NEK6: variants seen among roughly 807,000 people sequenced by gnomAD.
The protein encoded by NEK6 is NIMA related kinase 6.
NEK6 carries 27 observed loss-of-function variants against 43.5 expected under a neutral mutation model. The observed-to-expected ratio is 0.62, with a 90% CI of 0.46 to 0.86. NEK6 has a LOEUF of 0.86. Ranked by LOEUF, NEK6 falls within the 40% of genes least tolerant of loss-of-function variation. The probability of loss-of-function intolerance (pLI) is 0.00; values close to 1 mark genes in which losing one functional copy is unlikely to be tolerated. For synonymous variants in NEK6, 167 were observed against 164.1 expected (o/e 1.02, Z -0.14); for missense variants, 318 against 414.4 (o/e 0.77, Z 2.02).
chr9:124,290,344 C>G (rs1482072626), intron 1 of NEK6, among the ~76,000 whole-genome samples: 2 of 152,256 alleles, frequency 1.3e-5, no homozygotes, highest in African/African-American at 4.8e-5. Context: ...GAGTCCGGCC[C>G]CCAGGGCCTG....
At chr9:124,321,316 G>C in intron 4 of NEK6, 143 bp from the exon 5 acceptor site, 1 of 607,636 alleles carries the variant, frequency 1.6e-6, no homozygotes, top group Admixed American at 2.7e-5. Flanking sequence ...CCCAGCACAG[G>C]CCTTTCTTTC....
intron 4 of NEK6, among the ~76,000 whole-genome samples, chr9:124,321,068 G>A (rs1166539519): frequency 6.6e-6 from 1 of 152,244 alleles, no homozygotes; most frequent in Non-Finnish European, 1.5e-5. Flanking sequence ...CAGAGAGGTG[G>A]GGCCCAATGC....
chr9:124,347,433 T>C lies in NEK6; in HGVS notation c.718-276T>C, dbSNP rs188307383. Among the ~76,000 whole-genome samples the C allele has an allele frequency of 3.5e-3, 540 of 152,354 alleles. 3 individuals are homozygous for C. The highest frequency in any genetic ancestry group is 0.012 in the African/African-American group (486 of 41,582). ...AGGTGGGAGCAAGGTGGGAATTAGC[T>C]TGCAGCGTCCAGCTGCCCTTCTTTA... On this transcript the variant is annotated intron_variant, in intron 8 of 9. Coordinates refer to ENST00000320246, the MANE Select transcript of NEK6 (RefSeq NM_014397.6).
intron 8 of NEK6, among the ~76,000 whole-genome samples, chr9:124,342,805 A>G (rs1313745180): frequency 2.0e-5 from 3 of 152,196 alleles, no homozygotes; most frequent in Non-Finnish European, 4.4e-5. Flanking sequence ...CCCATGAACC[A>G]TGGGCTCTCC....
intron 1 of NEK6, among the ~76,000 whole-genome samples, chr9:124,298,694 G>A (rs1832815565): frequency 6.6e-6 from 1 of 152,200 alleles, no homozygotes; most frequent in Admixed American, 6.5e-5. Context: ...CAAATATGCA[G>A]TTGTTGGTTC....
chr9:124,326,220 G>T lies in NEK6; in HGVS notation c.406-110G>T. 1 of 152,328 alleles carries T rather than the reference G, an allele frequency of 6.6e-6. No homozygotes were observed. Among genetic ancestry groups the T allele is most frequent in the Non-Finnish European group, 1.5e-5 (1 of 67,168 alleles). 9.4% of individuals were successfully genotyped at this position (152,328 alleles called of 1,614,324 possible). A position where few individuals can be genotyped will look rare whatever the true frequency, so the allele number is the denominator to read the frequency against. On this transcript the variant is annotated intron_variant, in intron 5 of 9. Transcript: ENST00000320246. The surrounding 1 kb of genome is among the most constrained non-coding windows in gnomAD (Gnocchi z 4.5). ...GGCTCAATCCCCCCCCCCCGCCCCT[G>T]CCAGGCACCAGTTACCCACTGGGGA...
Position 124,258,025 on chromosome 9 carries a change from C to G in NEK6, c.-90C>G. The G allele has an allele frequency of 1.0e-6, 1 of 979,092 alleles. No homozygotes were observed. The highest frequency in any genetic ancestry group is 1.2e-6 in the Non-Finnish European group (1 of 827,522). The allele number at this position is 979,092 out of a possible 1,614,324, so 60.7% of individuals were successfully genotyped here. On this transcript the variant is annotated 5_prime_UTR_variant, in exon 1 of 10. Coordinates refer to ENST00000320246, the MANE Select transcript of NEK6 (RefSeq NM_014397.6). ...GCAAACTCGTGTGGGACGCACCGCT[C>G]CAGCCGCCCGCGGGCCAGCGCACCG... is the stretch of plus-strand genomic sequence containing the variant.
rs1054256564 is a variant in NEK6, at chr9:124,275,897, G to C, written c.-30+17812G>C. 1.3e-5 allele frequency among the ~76,000 whole-genome samples: 2 copies of C among 152,252 alleles called. No homozygotes were observed. Among genetic ancestry groups the C allele is most frequent in the African/African-American group, 4.8e-5 (2 of 41,468 alleles). ...CTTTTCTGGGGACAGATAGGTCAGC[G>C]GGACGGATGGAACCAGCTCTGTGAC... is the stretch of plus-strand genomic sequence containing the variant. On this transcript the variant is annotated intron_variant, in intron 1 of 9. Coordinates refer to ENST00000320246, the MANE Select transcript of NEK6 (RefSeq NM_014397.6). The surrounding 1 kb of genome is among the most constrained non-coding windows in gnomAD (Gnocchi z 4.4).
chr9:124,270,073 C>T (rs1046582104), intron 1 of NEK6, among the ~76,000 whole-genome samples: 1 of 152,152 alleles, frequency 6.6e-6, no homozygotes, highest in Admixed American at 6.5e-5. Context: ...TTCCACGCCC[C>T]CCCCCCATGC....
chr9:124,291,877 AGCGCAT>A, intron 1 of NEK6: 1 of 985,504 alleles, frequency 1.0e-6, no homozygotes, highest in South Asian at 4.7e-5. Flanking sequence ...TTTTTAGAGC[AGCGCAT>A]GGTGGGGGAG....
intron 9 of NEK6, among the ~76,000 whole-genome samples, chr9:124,349,543 C>G (rs1045029727): frequency 2.0e-5 from 3 of 152,214 alleles, no homozygotes; most frequent in Non-Finnish European, 2.9e-5. Context: ...TGCTCAGGAG[C>G]CCCCAGCACA....
At chr9:124,313,272 G>T (rs116589010) in intron 3 of NEK6, among the ~76,000 whole-genome samples, 1,813 of 152,270 alleles carry the variant, frequency 0.012, 25 homozygotes, top group African/African-American at 0.04. Context: ...CCGGGAGAGA[G>T]AATGGCGTTG....
At chr9:124,319,118 G>C (rs1269228105) in intron 4 of NEK6, among the ~76,000 whole-genome samples, 1 of 152,000 alleles carries the variant, frequency 6.6e-6, no homozygotes, top group African/African-American at 2.4e-5. Context: ...TCGAGTAGCT[G>C]TGACTACAGG....
intron 8 of NEK6, 84 bp downstream of exon 8, chr9:124,339,749 TCA>T: frequency 9.9e-7 from 1 of 1,008,106 alleles, no homozygotes; most frequent in Non-Finnish European, 1.6e-6. Flanking sequence ...CCCTACCAGC[TCA>T]GGGTTGGAAC....
intron 1 of NEK6, among the ~76,000 whole-genome samples, chr9:124,261,803 A>C (rs1831042179): frequency 6.6e-6 from 1 of 152,208 alleles, no homozygotes; most frequent in Non-Finnish European, 1.5e-5. Context: ...ATTGACGAAC[A>C]TTTGCAAATT....
intron 4 of NEK6, among the ~76,000 whole-genome samples, chr9:124,320,187 C>G (rs564855033): frequency 6.6e-6 from 1 of 152,280 alleles, no homozygotes; most frequent in South Asian, 2.1e-4. Flanking sequence ...AGACCTTGGT[C>G]CAGAGCAGGG....
At chr9:124,279,238 G>C (rs1207162166) in intron 1 of NEK6, among the ~76,000 whole-genome samples, 3 of 151,902 alleles carry the variant, frequency 2.0e-5, no homozygotes, top group Non-Finnish European at 4.4e-5. Context: ...GGGAAACATG[G>C]GGCTAGATTG....
At chr9:124,338,012 A>G (rs1017016320) in intron 7 of NEK6, among the ~76,000 whole-genome samples, 1 of 151,640 alleles carries the variant, frequency 6.6e-6, no homozygotes, top group African/African-American at 2.4e-5. Flanking sequence ...AGTCTCACTC[A>G]CTCTCTCACC....
chr9:124,336,738 G>C (rs1310201670), intron 7 of NEK6, among the ~76,000 whole-genome samples: 1 of 152,240 alleles, frequency 6.6e-6, no homozygotes, highest in East Asian at 1.9e-4. Flanking sequence ...GCTGGGTGCA[G>C]TGGCTCACAC....
Sources: allele counts gnomAD v4.1 joint callset (sites outside exome capture counted in the v4.1 genomes callset), GRCh38; gene constraint gnomAD v4.1.1; non-coding constraint Gnocchi (gnomAD v3.1); transcripts MANE v1.5; gene names NCBI Gene and HGNC (gene_info 2026-07-23, HGNC 2026-07-21).